PDS5A: variants seen among roughly 807,000 people sequenced by gnomAD.
The protein encoded by PDS5A is sister chromatid cohesion protein PDS5 homolog A.
PDS5A carries 42 observed loss-of-function variants against 167.1 expected under a neutral mutation model. That is an observed-to-expected ratio of 0.25 (90% CI 0.20 to 0.33). The LOEUF is 0.33. Among genes scored for constraint, PDS5A ranks in the 10% least tolerant of loss-of-function variants. PDS5A has a pLI of 1.00. For synonymous variants in PDS5A, 553 were observed against 554.6 expected (o/e 1.00, Z 0.04); for missense variants, 1,033 against 1,605.9 (o/e 0.64, Z 6.10).
chr4:39,929,821 T>C (rs1445060777), intron 2 of PDS5A, among the ~76,000 whole-genome samples: 3 of 150,994 alleles, frequency 2.0e-5, no homozygotes, highest in African/African-American at 4.9e-5. Context: ...TCTCAGCTCA[T>C]TGCAACCTAT....
At position 39,921,364 on chromosome 4, in the gene PDS5A, T is replaced by C. The variant is rs190080249; in HGVS notation, c.655-965A>G. 3.4e-3 allele frequency among the ~76,000 whole-genome samples: 510 copies of C among 152,230 alleles called. 1 individual carries two copies. The highest frequency in any genetic ancestry group is 5.7e-3 in the Non-Finnish European group (389 of 68,004). Reference sequence around the variant, plus strand: ...ACCCCTGCTCTATACTTTTATTTCATTGGCAAAGGATAAGATTTGCTTAAA... The same window carrying C: ...ACCCCTGCTCTATACTTTTATTTCACTGGCAAAGGATAAGATTTGCTTAAA... On this transcript the variant is annotated intron_variant, in intron 6 of 32. Transcript: ENST00000303538.
At chr4:39,975,106 C>CAAAAAAA (rs57418654) in intron 2 of PDS5A, among the ~76,000 whole-genome samples, 1 of 85,246 alleles carries the variant, frequency 1.2e-5, no homozygotes, top group Non-Finnish European at 2.3e-5. Flanking sequence ...GACTCCGTCT[C>CAAAAAAA]AAAAAAAAAA....
chr4:39,908,622 T>C, intron 10 of PDS5A, 82 bp from the exon 11 acceptor site: 1 of 863,116 alleles, frequency 1.2e-6, no homozygotes, highest in East Asian at 2.5e-5. Flanking sequence ...CAGAAATATG[T>C]TAAGTTTTTG....
chr4:39,839,441 G>A (rs1157747614), intron 31 of PDS5A, among the ~76,000 whole-genome samples: 6 of 151,790 alleles, frequency 4.0e-5, no homozygotes, highest in Admixed American at 1.3e-4. Flanking sequence ...ATGGTGGCAG[G>A]TGCCTATAAT....
chr4:39,969,581 A>C, intron 2 of PDS5A, among the ~76,000 whole-genome samples: 1 of 152,022 alleles, frequency 6.6e-6, no homozygotes, highest in African/African-American at 2.4e-5. Context: ...CAGGATAATC[A>C]CTTGAACCCA....
At chr4:39,920,483 C>A in intron 6 of PDS5A, 84 bp from the exon 7 acceptor site, 2 of 528,746 alleles carry the variant, frequency 3.8e-6, no homozygotes, top group Non-Finnish European at 6.7e-6. Flanking sequence ...GTCTTCAAAT[C>A]TGTAATAAAA....
chr4:39,922,747 T>G lies in PDS5A; in HGVS notation c.529A>C (p.Asn177His). 2 of 1,398,526 alleles carry G rather than the reference T, an allele frequency of 1.4e-6. No individual in the cohort carries two copies. The highest frequency in any genetic ancestry group is 1.9e-6 in the Non-Finnish European group (2 of 1,078,202). The allele number at this position is 1,398,526 out of a possible 1,614,324, so 86.6% of individuals were successfully genotyped here. ...LFRTLFSVIN[N>H]SHNKKVQMHM... ...ATTTGTACCTTCTTATTGTGGCTAT[T>G]GCTATAAAAAAAAAAAAAAAAGAAT... Residue 177 changes from asparagine to histidine, a missense_variant and splice_region_variant, in exon 6 of 33, where the codon AAT becomes CAT. Physicochemically the swap from Asn to His is moderately conservative, Grantham distance 68 (BLOSUM62 1). Coordinates refer to ENST00000303538, the MANE Select transcript of PDS5A (RefSeq NM_001100399.2).
At chr4:39,877,219 T>A in intron 18 of PDS5A, 66 bp from the exon 19 acceptor site, 1 of 1,021,978 alleles carries the variant, frequency 9.8e-7, no homozygotes, top group Non-Finnish European at 1.4e-6. Flanking sequence ...AAGAATTACT[T>A]CCCGCAAAAG....
At chr4:39,888,801 G>A (rs77716967) in intron 17 of PDS5A, among the ~76,000 whole-genome samples, 5,770 of 152,128 alleles carry the variant, frequency 0.038, 225 homozygotes, top group East Asian at 0.23. Flanking sequence ...GGGTGAGAAA[G>A]GCGGAATGAA....
In PDS5A at chr4:39,824,778, G is replaced by A. The variant is rs1174362439; in HGVS notation, c.*707C>T. 6.6e-6 allele frequency: 1 copy of A among 152,364 alleles called. No homozygotes were observed. Among genetic ancestry groups the A allele is most frequent in the Non-Finnish European group, 1.5e-5 (1 of 67,980 alleles). The allele number at this position is 152,364 out of a possible 1,614,324, so 9.4% of individuals were successfully genotyped here. On this transcript the variant is annotated 3_prime_UTR_variant, in exon 33 of 33. Coordinates refer to ENST00000303538, the MANE Select transcript of PDS5A (RefSeq NM_001100399.2). ...AAATTATATTAAACTAAAATGAGGG[G>A]AAATCAAAATATGAACTGTTTACTA...
chr4:39,958,770 G>A (rs536614177), intron 2 of PDS5A, among the ~76,000 whole-genome samples: 11 of 151,886 alleles, frequency 7.2e-5, no homozygotes, highest in African/African-American at 2.4e-4. Context: ...CACCACCCCT[G>A]ACTAATTTTT....
rs1199585572 is a variant in PDS5A, at chr4:39,977,662, C to G, written c.-246G>C. ...CGGGGGGAGACGCGGGGCGAGTGAG[C>G]GCTGGGCGGGGAGACAGTGCCGCTC... On this transcript the variant is annotated 5_prime_UTR_variant, in exon 1 of 33. Coordinates refer to ENST00000303538, the MANE Select transcript of PDS5A (RefSeq NM_001100399.2). This position sits in a 1 kb window ranked among gnomAD's most constrained non-coding sequence, Gnocchi z 4.2. 6.6e-6 allele frequency: 1 copy of G among 151,636 alleles called. No individual in the cohort carries two copies. Among genetic ancestry groups the G allele is most frequent in the East Asian group, 1.9e-4 (1 of 5,162 alleles). 9.4% of individuals were successfully genotyped at this position (151,636 alleles called of 1,614,324 possible).
intron 22 of PDS5A, 87 bp from the exon 23 acceptor site, chr4:39,867,084 C>G (rs1719521918): frequency 9.9e-7 from 1 of 1,010,920 alleles, no homozygotes. Flanking sequence ...AATGAGATTA[C>G]TCATCTCCAT....
intron 32 of PDS5A, among the ~76,000 whole-genome samples, chr4:39,832,841 G>A (rs1218058661): frequency 6.6e-6 from 1 of 151,780 alleles, no homozygotes; most frequent in Non-Finnish European, 1.5e-5. Flanking sequence ...CTGAGTGACA[G>A]AGTGAGACTG....
chr4:39,956,258 A>G (rs952481463), intron 2 of PDS5A, among the ~76,000 whole-genome samples: 3 of 152,124 alleles, frequency 2.0e-5, no homozygotes, highest in Non-Finnish European at 4.4e-5. Flanking sequence ...TTGGGAGGCT[A>G]TGGCAGGCAA....
chr4:39,962,843 T>A (rs886921697), intron 2 of PDS5A, among the ~76,000 whole-genome samples: 1 of 152,080 alleles, frequency 6.6e-6, no homozygotes, highest in African/African-American at 2.4e-5. Context: ...ATGCCTGTAG[T>A]CCCAGCTACT....
chr4:39,914,158 A>ATTTTTTTTTTTT (rs1560478626), intron 8 of PDS5A, among the ~76,000 whole-genome samples: 1 of 133,348 alleles, frequency 7.5e-6, no homozygotes. Context: ...TGATATACAA[A>ATTTTTTTTTTTT]TTTGTTTTTT....
intron 26 of PDS5A, among the ~76,000 whole-genome samples, chr4:39,858,828 T>C (rs1718750228): frequency 6.6e-6 from 1 of 152,166 alleles, no homozygotes; most frequent in Admixed American, 6.5e-5. Context: ...TTTCACCATG[T>C]TGGTCAGGCT....
intron 12 of PDS5A, among the ~76,000 whole-genome samples, chr4:39,903,222 CT>C (rs769160541): frequency 5.3e-5 from 8 of 152,242 alleles, no homozygotes; most frequent in Non-Finnish European, 1.0e-4. Context: ...GGGGACCCCC[CT>C]TCATATTACT....
Sources: allele counts gnomAD v4.1 joint callset (sites outside exome capture counted in the v4.1 genomes callset), GRCh38; gene constraint gnomAD v4.1.1; non-coding constraint Gnocchi (gnomAD v3.1); transcripts MANE v1.5; gene names NCBI Gene and HGNC (gene_info 2026-07-23, HGNC 2026-07-21).